Variants in CDC16 observed in about 807,000 individuals in gnomAD.
The protein encoded by CDC16 is cell division cycle 16.
Under a neutral mutation model 87.0 loss-of-function variants are expected in CDC16, and 34 were observed. The ratio of observed to expected loss-of-function variants is 0.39; its 90% confidence interval spans 0.30 to 0.52. The LOEUF (loss-of-function observed/expected upper bound fraction) is 0.52. Among genes scored for constraint, CDC16 ranks in the 20% least tolerant of loss-of-function variants. The pLI is 0.74. For synonymous variants in CDC16, 263 were observed against 260.6 expected, an observed-to-expected ratio of 1.01 and a Z score of -0.09; for missense variants, 653 against 751.9, an observed-to-expected ratio of 0.87 and a Z score of 1.54.
intron 13 of CDC16, 24 bp downstream of exon 13, chr13:114,257,254 C>G (rs760915252): frequency 6.4e-7 from 1 of 1,568,456 alleles, no homozygotes; most frequent in Non-Finnish European, 8.7e-7. Flanking sequence ...GACCAGAAAC[C>G]CTTCTGTTAA....
chr13:114,262,841 G>T (rs1345200045), intron 15 of CDC16, 38 bp from the exon 16 acceptor site: 6 of 1,611,832 alleles, frequency 3.7e-6, no homozygotes, highest in Non-Finnish European at 4.2e-6. Flanking sequence ...GGAATTTAGT[G>T]CTTTTACTGT....
At chr13:114,256,104 TAAGACAAGTTAAAGC>T (rs2082481659) in intron 12 of CDC16, among the ~76,000 whole-genome samples, 2 of 152,356 alleles carry the variant, frequency 1.3e-5, no homozygotes, top group East Asian at 3.9e-4. Flanking sequence ...GAGATGGGAA[TAAGACAAGTTAAAGC>T]AGCACAAAGT....
intron 14 of CDC16, 79 bp downstream of exon 14, chr13:114,259,477 A>G (rs1243127700): frequency 3.9e-6 from 3 of 774,722 alleles, no homozygotes; most frequent in Non-Finnish European, 5.9e-6. Context: ...CAACACAGAA[A>G]TCTCTTGCCT....
chr13:114,265,461 T>C (rs963146551), intron 17 of CDC16, among the ~76,000 whole-genome samples: 18 of 152,250 alleles, frequency 1.2e-4, no homozygotes, highest in Admixed American at 9.8e-4. Flanking sequence ...GAATACTTGC[T>C]AAGTGCAAAA....
intron 17 of CDC16, among the ~76,000 whole-genome samples, chr13:114,268,618 G>C (rs79404722): frequency 0.024 from 3,718 of 152,260 alleles, 157 homozygotes; most frequent in African/African-American, 0.085. Flanking sequence ...TCTTTAGACC[G>C]TATTCTGCCT....
In CDC16 at chr13:114,257,124, A is replaced by G; in HGVS notation, c.1144A>G (p.Asn382Asp). The change falls in exon 13 of 18, where the codon AAT (asparagine) becomes GAT (aspartate). Residue 382 changes from asparagine to aspartate, a missense_variant. Asn to Asp is a conservative substitution (Grantham distance 23, BLOSUM62 1). Coordinates refer to ENST00000356221, the MANE Select transcript of CDC16 (RefSeq NM_001078645.3). ...LYIGLEYGLT[N>D]NSKLAERFFS... ...TATTGGATTAGAATATGGTTTGACC[A>G]ATAACTCAAAACTAGCTGAAAGGTT... 6.2e-7 allele frequency: 1 copy of G among 1,612,168 alleles called. No homozygotes were observed. Among genetic ancestry groups the G allele is most frequent in the South Asian group, 1.1e-5 (1 of 90,928 alleles).
Position 114,238,839 on chromosome 13 carries a change from A to G in CDC16, c.202-151A>G, listed in dbSNP as rs1370978298. On this transcript the variant is annotated intron_variant, in intron 3 of 17. Coordinates refer to ENST00000356221, the MANE Select transcript of CDC16 (RefSeq NM_001078645.3). Reference sequence around the variant, plus strand: ...CTAGTAAACAGTAGGTTCATAATAAATATGGTTTAACAGGACTGGATTTTT... The same window carrying G: ...CTAGTAAACAGTAGGTTCATAATAAGTATGGTTTAACAGGACTGGATTTTT... 6.9e-6 allele frequency: 7 copies of G among 1,016,666 alleles called. No homozygotes were observed. In the African/African-American group the frequency reaches 9.8e-5, roughly 14 times the overall value. The allele number at this position is 1,016,666 out of a possible 1,614,324, so 63.0% of individuals were successfully genotyped here. A position where few individuals can be genotyped will look rare whatever the true frequency, so the allele number is the denominator to read the frequency against.
chr13:114,263,162 C>A, intron 16 of CDC16, 148 bp downstream of exon 16: 3 of 695,730 alleles, frequency 4.3e-6, no homozygotes, highest in Non-Finnish European at 7.3e-6. Flanking sequence ...CAGAGAAAAG[C>A]ATGTGGGTGT....
chr13:114,252,780 A>G (rs979533077), intron 12 of CDC16, among the ~76,000 whole-genome samples: 1 of 152,208 alleles, frequency 6.6e-6, no homozygotes, highest in Admixed American at 6.5e-5. Flanking sequence ...AATCAGAATC[A>G]ATGATAATTA....
intron 8 of CDC16, chr13:114,244,665 A>G: frequency 2.8e-6 from 1 of 361,506 alleles, no homozygotes; most frequent in Non-Finnish European, 4.9e-6. Flanking sequence ...GTATGTGATA[A>G]TGTTTATTTT....
At chr13:114,268,160 C>T (rs1275126390) in intron 17 of CDC16, among the ~76,000 whole-genome samples, 1 of 152,080 alleles carries the variant, frequency 6.6e-6, no homozygotes, top group Non-Finnish European at 1.5e-5. Context: ...CTATGTAGAG[C>T]AGAGGGATCC....
chr13:114,270,043 T>C (rs892731375), intron 17 of CDC16, among the ~76,000 whole-genome samples: 3 of 152,256 alleles, frequency 2.0e-5, no homozygotes, highest in African/African-American at 7.2e-5. Flanking sequence ...GAATATGTAC[T>C]AATTACTTCC....
In CDC16 at chr13:114,261,953, G is replaced by A. The variant is rs1181330289; in HGVS notation, c.1376+5G>A. The A allele has an allele frequency of 1.3e-6, 2 of 1,568,030 alleles. No individual in the cohort carries two copies. The highest frequency in any genetic ancestry group is 1.7e-6 in the Non-Finnish European group (2 of 1,146,270). On this transcript the variant is annotated splice_donor_5th_base_variant and intron_variant, in intron 15 of 17. Transcript: ENST00000356221. ...GCATGTCTGCAGAAAACTTAAGTAA[G>A]TGAAGTAGAGCATTTTCAGAAATAT...
Position 114,253,644 on chromosome 13 carries a change from G to A in CDC16, c.1097+2970G>A, listed in dbSNP as rs564205933. On this transcript the variant is annotated intron_variant, in intron 12 of 17. Coordinates refer to ENST00000356221, the MANE Select transcript of CDC16 (RefSeq NM_001078645.3). ...GCAGAGGTTCCAATGAGCTGAGATC[G>A]CACCACTGCACTCCAGCCTGGGCGA... 1.0e-3 allele frequency among the ~76,000 whole-genome samples: 151 copies of A among 149,378 alleles called. 1 individual carries two copies. The highest frequency in any genetic ancestry group is 3.6e-3 in the African/African-American group (145 of 40,214).
chr13:114,270,914 CTTTTTTTTTTTTTT>C (rs571053869), intron 17 of CDC16, among the ~76,000 whole-genome samples: 1 of 101,140 alleles, frequency 9.9e-6, no homozygotes, highest in Non-Finnish European at 1.9e-5. Context: ...AGAGATTTAC[CTTTTTTTTTTTTTT>C]TTTTTTTTTT....
At chr13:114,249,587 G>A (rs562074661) in intron 11 of CDC16, among the ~76,000 whole-genome samples, 1 of 152,202 alleles carries the variant, frequency 6.6e-6, no homozygotes, top group African/African-American at 2.4e-5. Flanking sequence ...ATTCCTTGTG[G>A]GTTAATTATA....
chr13:114,249,974 C>T (rs986965914), intron 11 of CDC16, among the ~76,000 whole-genome samples: 2 of 152,116 alleles, frequency 1.3e-5, no homozygotes, highest in African/African-American at 4.8e-5. Flanking sequence ...AGCTTGTTTA[C>T]TAAATGGATG....
At chr13:114,245,308 T>G (rs908058279) in intron 9 of CDC16, among the ~76,000 whole-genome samples, 1 of 149,290 alleles carries the variant, frequency 6.7e-6, no homozygotes, top group Admixed American at 6.7e-5. Context: ...AAATCTGATA[T>G]GGTAAGAGTT....
intron 3 of CDC16, among the ~76,000 whole-genome samples, chr13:114,237,864 A>G (rs1246754419): frequency 6.6e-6 from 1 of 152,178 alleles, no homozygotes; most frequent in Non-Finnish European, 1.5e-5. Context: ...GAACTATTAC[A>G]GGAGTGAGTA....
Sources: gnomAD v4.1 joint callset for allele counts (sites outside exome capture counted in the v4.1 genomes callset) on GRCh38, gnomAD v4.1.1 for gene constraint, MANE v1.5 for transcripts, NCBI Gene and HGNC (gene_info 2026-07-23, HGNC 2026-07-21) for gene names.